Variants in GLG1 observed in about 807,000 individuals in gnomAD.
GLG1 encodes the protein Golgi apparatus protein 1.
Under a neutral mutation model 160.5 loss-of-function variants are expected in GLG1, and 38 were observed. The ratio of observed to expected loss-of-function variants is 0.24; its 90% CI spans 0.18 to 0.31. The LOEUF is 0.31. GLG1 is among the 10% of genes least tolerant of loss of function. The pLI, the probability that GLG1 is intolerant of heterozygous loss-of-function variation, is 1.00. For missense variants in GLG1, 1,373 were observed against 1,505.2 expected (o/e 0.91, Z 1.45); for synonymous variants, 644 against 543.4 (o/e 1.19, Z -2.57).
intron 2 of GLG1, among the ~76,000 whole-genome samples, chr16:74,509,514 G>T (rs951569009): frequency 6.6e-6 from 1 of 151,652 alleles, no homozygotes; most frequent in Non-Finnish European, 1.5e-5. Context: ...AGTCGCCCAG[G>T]TTCTAGTTTC....
At chr16:74,567,241 G>A (rs1014814732) in intron 1 of GLG1, among the ~76,000 whole-genome samples, 5 of 151,946 alleles carry the variant, frequency 3.3e-5, no homozygotes, top group African/African-American at 1.2e-4. Context: ...CAGACAGAGA[G>A]AGGAGTTAGC....
At chr16:74,550,792 A>C (rs1035196844) in intron 1 of GLG1, among the ~76,000 whole-genome samples, 1 of 152,212 alleles carries the variant, frequency 6.6e-6, no homozygotes, top group African/African-American at 2.4e-5. Flanking sequence ...ATAAATATAA[A>C]GGTGAAATAT....
intron 5 of GLG1, among the ~76,000 whole-genome samples, chr16:74,495,040 G>A (rs975334759): frequency 1.3e-5 from 2 of 150,694 alleles, no homozygotes; most frequent in Admixed American, 6.6e-5. Flanking sequence ...GATATTTGGA[G>A]TTTGTCATTT....
intron 20 of GLG1, 181 bp downstream of exon 20, chr16:74,463,175 C>G (rs2014867854): frequency 1.6e-6 from 1 of 608,220 alleles, no homozygotes; most frequent in African/African-American, 1.8e-5. Flanking sequence ...TCCTCTCTCC[C>G]CTGACTCTCC....
rs1451944962 is a variant in GLG1 at position 74,451,934 on chromosome 16, GGACA to G, written c.*1229_*1232del. ...ACTAGAGTGGGTACACGCAGCAAAT[GGACA>G]GAAAGAAAAAAAACAGAGCAAATCC... On this transcript the variant is annotated 3_prime_UTR_variant, in exon 26 of 26. Coordinates refer to ENST00000422840, the MANE Select transcript of GLG1 (RefSeq NM_001145667.2). The G allele has an allele frequency of 1.2e-5, 9 of 762,384 alleles. No homozygotes were observed. Among genetic ancestry groups the G allele is most frequent in the Non-Finnish European group, 1.8e-5 (8 of 438,556 alleles). 47.2% of individuals were successfully genotyped at this position (762,384 alleles called of 1,614,324 possible). A position where few individuals can be genotyped will look rare whatever the true frequency, so the allele number is the denominator to read the frequency against.
chr16:74,480,227 T>C lies in GLG1; in HGVS notation c.1827+14A>G. 2.5e-6 allele frequency: 4 copies of C among 1,583,252 alleles called. No homozygotes were observed. Among genetic ancestry groups the C allele is most frequent in the Non-Finnish European group, 3.5e-6 (4 of 1,152,748 alleles). ...TGACAAGAAGAAGAAATGAAGTCGA[T>C]ATTCACTGCATACCCTCCTTCCCTG... is the stretch of plus-strand genomic sequence containing the variant. On this transcript the variant is annotated intron_variant, in intron 11 of 25. Transcript: ENST00000422840.
chr16:74,577,770 T>A (rs1280244200), intron 1 of GLG1, among the ~76,000 whole-genome samples: 1 of 151,994 alleles, frequency 6.6e-6, no homozygotes, highest in Non-Finnish European at 1.5e-5. Context: ...CCAGCCACCA[T>A]GACCGGTTAA....
chr16:74,474,564 G>A lies in GLG1; in HGVS notation c.2034C>T (p.Leu678=). ...VVECRDIVGN[L]TELESEDIQI... is the part of the protein sequence containing the mutation. ...CACTTACCTCTGATTCTAACTCAGT[G>A]AGGTTGCCAACTATATCTCTACACT... The change falls in exon 13 of 26, where the codon CTC becomes CTT. Residue 678 remains leucine (L), a synonymous_variant. Transcript: ENST00000422840. The A allele has an allele frequency of 2.0e-6, 3 of 1,536,478 alleles. No individual in the cohort carries two copies. Among genetic ancestry groups the A allele is most frequent in the Non-Finnish European group, 2.7e-6 (3 of 1,109,190 alleles).
Position 74,452,735 on chromosome 16 carries a change from A to C in GLG1, c.*432T>G, listed in dbSNP as rs2143106712. 1 of 992,738 alleles carries C rather than the reference A, an allele frequency of 1.0e-6. No homozygotes were observed. The highest frequency in any genetic ancestry group is 5.7e-5 in the Admixed American group (1 of 17,512). The allele number at this position is 992,738 out of a possible 1,614,324, so 61.5% of individuals were successfully genotyped here. A position where few individuals can be genotyped will look rare whatever the true frequency, so the allele number is the denominator to read the frequency against. ...GTCTTTGTTTTACACAGTCATATGA[A>C]AGACATAACCCCATTGCCCAAATCA... On this transcript the variant is annotated 3_prime_UTR_variant, in exon 26 of 26. Transcript: ENST00000422840.
At chr16:74,582,567 T>C (rs1957962005) in intron 1 of GLG1, among the ~76,000 whole-genome samples, 1 of 152,018 alleles carries the variant, frequency 6.6e-6, no homozygotes. Flanking sequence ...ACGCCTGTAA[T>C]CCCAGCACTT....
intron 25 of GLG1, among the ~76,000 whole-genome samples, chr16:74,454,095 G>A (rs1169856704): frequency 6.6e-6 from 1 of 151,878 alleles, no homozygotes; most frequent in Admixed American, 6.6e-5. Context: ...GGCTGGTCTT[G>A]AACTCCTGAC....
At position 74,450,725 on chromosome 16, in the gene GLG1, T is replaced by C; in HGVS notation, c.*2442A>G. The stretch of plus-strand genomic sequence containing the variant: ...TAAGCCAGGCGTGGTGGCGGGTGCC[T>C]GGAATCCCAGCTACTCAGGAGGCTG... On this transcript the variant is annotated 3_prime_UTR_variant, in exon 26 of 26. Coordinates refer to ENST00000422840, the MANE Select transcript of GLG1 (RefSeq NM_001145667.2). 6.6e-6 allele frequency: 1 copy of C among 151,886 alleles called. No individual in the cohort carries two copies. The highest frequency in any genetic ancestry group is 1.5e-5 in the Non-Finnish European group (1 of 67,998). 9.4% of individuals were successfully genotyped at this position (151,886 alleles called of 1,614,324 possible). A position where few individuals can be genotyped will look rare whatever the true frequency, so the allele number is the denominator to read the frequency against.
rs186204566 is a variant in GLG1 at position 74,590,453 on chromosome 16, A to T, written c.438+16204T>A. 7.9e-5 allele frequency among the ~76,000 whole-genome samples: 12 copies of T among 151,792 alleles called. No homozygotes were observed. The East Asian group carries it at 2.4e-3, about 30-fold the overall frequency. On this transcript the variant is annotated intron_variant, in intron 1 of 25. Transcript: ENST00000422840. Reference sequence around the variant, plus strand: ...ACCAACATGGAGAAACCCCGTCTCTACTAAAAATACAAAAAAAAATAGCCA... The same window carrying T: ...ACCAACATGGAGAAACCCCGTCTCTTCTAAAAATACAAAAAAAAATAGCCA...
intron 1 of GLG1, among the ~76,000 whole-genome samples, chr16:74,601,354 T>C (rs1324539824): frequency 6.6e-6 from 1 of 150,858 alleles, no homozygotes; most frequent in Non-Finnish European, 1.5e-5. Flanking sequence ...CAGAGGAGGG[T>C]GGGTCGGTTG....
chr16:74,493,402 T>C (rs2016073714), intron 6 of GLG1, among the ~76,000 whole-genome samples: 1 of 152,226 alleles, frequency 6.6e-6, no homozygotes, highest in East Asian at 1.9e-4. Flanking sequence ...ATCCAAAACA[T>C]GTAAATATCT....
chr16:74,570,886 C>T (rs375537180), intron 1 of GLG1, among the ~76,000 whole-genome samples: 7 of 152,168 alleles, frequency 4.6e-5, no homozygotes, highest in South Asian at 2.1e-4. Flanking sequence ...AGACCCTGTC[C>T]GCCTACCACC....
intron 2 of GLG1, among the ~76,000 whole-genome samples, chr16:74,517,728 G>A (rs573422761): frequency 6.6e-6 from 1 of 152,058 alleles, no homozygotes; most frequent in Admixed American, 6.6e-5. Context: ...AGCAATAAAG[G>A]GTATTCAAAT....
rs150435028 is a variant in GLG1, at chr16:74,569,971, C to G, written c.438+36686G>C. Among the ~76,000 whole-genome samples the G allele has an allele frequency of 7.7e-3, 1,158 of 150,544 alleles. 17 individuals carry two copies. Among genetic ancestry groups the G allele is most frequent in the African/African-American group, 0.026 (1,085 of 41,010 alleles). On this transcript the variant is annotated intron_variant, in intron 1 of 25. Coordinates refer to ENST00000422840, the MANE Select transcript of GLG1 (RefSeq NM_001145667.2). ...GCTGAGGCCAGTGGATCGCTTGAGC[C>G]CAGGAGTTTGAGACCAGTTTGGGCA...
intron 1 of GLG1, among the ~76,000 whole-genome samples, chr16:74,542,959 A>G (rs1217234680): frequency 1.3e-5 from 2 of 152,100 alleles, no homozygotes; most frequent in African/African-American, 2.4e-5. Flanking sequence ...CAAATGAGGG[A>G]TGTAAGATTA....
Sources: allele counts gnomAD v4.1 joint callset (sites outside exome capture counted in the v4.1 genomes callset), GRCh38; gene constraint gnomAD v4.1.1; transcripts MANE v1.5; gene names NCBI Gene and HGNC (gene_info 2026-07-23, HGNC 2026-07-21).